Variants in CAPZB observed in about 807,000 individuals in gnomAD.
CAPZB encodes the protein capping actin protein of muscle Z-line subunit beta.
A neutral mutation model predicts 38.1 loss-of-function variants in CAPZB; 2 were observed. That is an observed-to-expected ratio of 0.05 (90% confidence interval 0.02 to 0.17). The LOEUF is 0.17. CAPZB is among the 10% of genes least tolerant of loss of function. The pLI, the probability that CAPZB is intolerant of heterozygous loss-of-function variation, is 1.00. For missense variants in CAPZB, 161 were observed against 334.2 expected (o/e 0.48, Z 4.04); for synonymous variants, 107 against 127.4 (o/e 0.84, Z 1.08).
intron 1 of CAPZB, among the ~76,000 whole-genome samples, chr1:19,482,891 A>C (rs6669496): frequency 0.63 from 95,844 of 152,044 alleles, 30,371 homozygotes; most frequent in Non-Finnish European, 0.65. Flanking sequence ...ATAGGGGATA[A>C]ACGTAACAAT....
At chr1:19,397,638 G>C (rs909547164) in intron 2 of CAPZB, among the ~76,000 whole-genome samples, 1 of 152,130 alleles carries the variant, frequency 6.6e-6, no homozygotes. Context: ...CACCTACTAG[G>C]GTACAGCATC....
rs540474550 is a variant in CAPZB at position 19,414,510 on chromosome 1, C to G, written c.93+5151G>C. On this transcript the variant is annotated intron_variant, in intron 2 of 8. Transcript: ENST00000264202. The stretch of plus-strand genomic sequence containing the variant: ...ACCCAAGAGCTGAGCCTTAGGACAA[C>G]TGTAAGAAAGAAAGAAGTGAAGGAA... Among the ~76,000 whole-genome samples the G allele has an allele frequency of 1.9e-4, 29 of 152,254 alleles. 1 individual carries two copies. Among genetic ancestry groups the G allele is most frequent in the Admixed American group, 3.3e-4 (5 of 15,304 alleles).
intron 4 of CAPZB, among the ~76,000 whole-genome samples, chr1:19,374,990 C>T (rs2094137843): frequency 6.6e-6 from 1 of 152,160 alleles, no homozygotes; most frequent in Non-Finnish European, 1.5e-5. Context: ...GAGTGTGACC[C>T]TGGCCAATGC....
intron 2 of CAPZB, among the ~76,000 whole-genome samples, chr1:19,401,518 GC>G (rs11289601): frequency 0.09 from 13,647 of 152,124 alleles, 859 homozygotes; most frequent in East Asian, 0.23. Context: ...CCTGTCTTTT[GC>G]CACCTTTTCA....
At chr1:19,346,815 GTCTTT>G (rs2093963804) in intron 6 of CAPZB, among the ~76,000 whole-genome samples, 1 of 126,374 alleles carries the variant, frequency 7.9e-6, no homozygotes, top group Non-Finnish European at 1.7e-5. Context: ...CCCGACTTTT[GTCTTT>G]TTTTTTTTTT....
intron 1 of CAPZB, among the ~76,000 whole-genome samples, chr1:19,437,705 G>A (rs1212507631): frequency 1.3e-5 from 2 of 152,172 alleles, no homozygotes; most frequent in African/African-American, 2.4e-5. Context: ...CCTTGCTCCC[G>A]CCAGCCCAGG....
intron 1 of CAPZB, among the ~76,000 whole-genome samples, chr1:19,469,623 G>C (rs12027247): frequency 0.017 from 2,620 of 152,066 alleles, 92 homozygotes; most frequent in East Asian, 0.14. Flanking sequence ...GCCACGGAGA[G>C]AGCATTTGTC....
intron 6 of CAPZB, among the ~76,000 whole-genome samples, chr1:19,350,857 A>T (rs2093987779): frequency 3.9e-5 from 6 of 152,180 alleles, no homozygotes; most frequent in Admixed American, 3.9e-4. Flanking sequence ...AGCTCAAGTG[A>T]TCTGCCTGCC....
At chr1:19,428,748 A>C (rs184621643) in intron 1 of CAPZB, among the ~76,000 whole-genome samples, 1 of 152,256 alleles carries the variant, frequency 6.6e-6, no homozygotes, top group African/African-American at 2.4e-5. Flanking sequence ...CTCTGCCCCG[A>C]GCCCTTCTCC....
chr1:19,390,535 G>C (rs1208234363), intron 2 of CAPZB, among the ~76,000 whole-genome samples: 2 of 152,242 alleles, frequency 1.3e-5, no homozygotes, highest in African/African-American at 4.8e-5. Flanking sequence ...GGTCAGGACA[G>C]TGCCTGCCGT....
intron 4 of CAPZB, among the ~76,000 whole-genome samples, chr1:19,366,280 TAA>T (rs1558189676): frequency 1.4e-5 from 1 of 70,530 alleles, no homozygotes; most frequent in Admixed American, 1.5e-4. Context: ...GACCGTGTCT[TAA>T]AATATATATA....
At chr1:19,461,128 C>G (rs1267348135) in intron 1 of CAPZB, among the ~76,000 whole-genome samples, 3 of 151,978 alleles carry the variant, frequency 2.0e-5, no homozygotes, top group Non-Finnish European at 2.9e-5. Flanking sequence ...CAGCACAGCA[C>G]GTGGCTCATG....
At chr1:19,403,775 A>T (rs1446272096) in intron 2 of CAPZB, among the ~76,000 whole-genome samples, 2 of 152,214 alleles carry the variant, frequency 1.3e-5, no homozygotes, top group African/African-American at 4.8e-5. Flanking sequence ...TTCACCCAAC[A>T]GGCTGGATAA....
At chr1:19,380,553 T>C (rs1403765275) in intron 3 of CAPZB, among the ~76,000 whole-genome samples, 2 of 152,240 alleles carry the variant, frequency 1.3e-5, no homozygotes, top group Non-Finnish European at 2.9e-5. Context: ...CTGTCAGTTC[T>C]TGTAGCCTGT....
intron 6 of CAPZB, among the ~76,000 whole-genome samples, chr1:19,348,502 G>C (rs1395551916): frequency 6.6e-6 from 1 of 152,074 alleles, no homozygotes; most frequent in Non-Finnish European, 1.5e-5. Flanking sequence ...GCGGTGGTGG[G>C]TGGGGAGGGA....
At chr1:19,477,106 T>A (rs918823192) in intron 1 of CAPZB, among the ~76,000 whole-genome samples, 1 of 152,172 alleles carries the variant, frequency 6.6e-6, no homozygotes, top group Non-Finnish European at 1.5e-5. Flanking sequence ...ACTGTGGGCA[T>A]CCGGTAAATA....
intron 1 of CAPZB, among the ~76,000 whole-genome samples, chr1:19,460,774 T>C (rs952563583): frequency 2.0e-5 from 3 of 151,900 alleles, no homozygotes; most frequent in African/African-American, 7.3e-5. Flanking sequence ...TCCCCACGGA[T>C]AGGGGAGGAT....
chr1:19,465,500 T>C (rs1488264095), intron 1 of CAPZB, among the ~76,000 whole-genome samples: 1 of 152,182 alleles, frequency 6.6e-6, no homozygotes, highest in Non-Finnish European at 1.5e-5. Flanking sequence ...TAAGACAATG[T>C]ATATATTTTT....
intron 4 of CAPZB, among the ~76,000 whole-genome samples, chr1:19,366,305 T>TATATATATATATATATAA (rs1396564571): frequency 6.1e-5 from 6 of 97,596 alleles, no homozygotes; most frequent in African/African-American, 2.8e-4. Context: ...TATATATATA[T>TATATATATATATATATAA]ATATAAATAA....
Sources: gnomAD v4.1 joint callset for allele counts (sites outside exome capture counted in the v4.1 genomes callset) on GRCh38, gnomAD v4.1.1 for gene constraint, MANE v1.5 for transcripts, NCBI Gene and HGNC (gene_info 2026-07-23, HGNC 2026-07-21) for gene names.